CLTCL1: variants seen among roughly 807,000 people sequenced by gnomAD.
The protein encoded by CLTCL1 is clathrin heavy chain like 1.
CLTCL1 carries 159 observed loss-of-function variants against 190.0 expected under a neutral mutation model. The observed-to-expected ratio is 0.84, with a 90% CI of 0.74 to 0.95. CLTCL1 has a LOEUF of 0.95. Among genes scored for constraint, CLTCL1 ranks in the 40% least tolerant of loss-of-function variants. CLTCL1 has a pLI of 0.00. For synonymous variants in CLTCL1, 752 were observed against 769.6 expected (o/e 0.98, Z 0.38); for missense variants, 1,878 against 2,033.4 (o/e 0.92, Z 1.47).
At chr22:19,281,976 A>C (rs1249133815) in intron 1 of CLTCL1, among the ~76,000 whole-genome samples, 6 of 152,194 alleles carry the variant, frequency 3.9e-5, no homozygotes, top group African/African-American at 1.4e-4. Context: ...AGACTATTAG[A>C]ATCAGATTAA....
Position 19,258,861 on chromosome 22 carries a change from G to C in CLTCL1, c.251-4634C>G, listed in dbSNP as rs890269885. 9.3e-5 allele frequency: 48 copies of C among 516,426 alleles called. 1 individual carries two copies. Among genetic ancestry groups the C allele is most frequent in the Middle Eastern group, 5.5e-4 (1 of 1,820 alleles). 32.0% of individuals were successfully genotyped at this position (516,426 alleles called of 1,614,324 possible). On this transcript the variant is annotated intron_variant, in intron 2 of 32. Coordinates refer to ENST00000427926, the MANE Select transcript of CLTCL1 (RefSeq NM_007098.4). ...GCAGGAGGCCAGTAAAAAGTTCACA[G>C]GTTAAAAAAAACCCCAACAATTAAA...
At position 19,261,009 on chromosome 22, in the gene CLTCL1, T is replaced by C. The variant is rs1463911939; in HGVS notation, c.251-6782A>G. ...GGTCACCTAAGAGCTCTGACGGAGATATACAAGGAGATGAAAGCTGTTTTC... is the reference window on the plus strand; with the variant it reads ...GGTCACCTAAGAGCTCTGACGGAGACATACAAGGAGATGAAAGCTGTTTTC... On this transcript the variant is annotated intron_variant, in intron 2 of 32. Coordinates refer to ENST00000427926, the MANE Select transcript of CLTCL1 (RefSeq NM_007098.4). Among the ~76,000 whole-genome samples, 3 of 151,976 alleles carry C rather than the reference T, an allele frequency of 2.0e-5. 1 individual carries two copies. The highest frequency in any genetic ancestry group is 2.9e-5 in the Non-Finnish European group (2 of 67,978).
rs2086060026 is a variant in CLTCL1 at position 19,235,694 on chromosome 22, A to G, written c.969+2T>C. The G allele has an allele frequency of 4.3e-6, 7 of 1,612,240 alleles. No homozygotes were observed. The highest frequency in any genetic ancestry group is 5.1e-6 in the Non-Finnish European group (6 of 1,178,996). ...AGAAAATGAAATGTCAGAGTTACAC[A>G]CCTGTCCCTTTTTGTTGACACCAAT... is the stretch of plus-strand genomic sequence containing the variant. On this transcript the variant is annotated splice_donor_variant, in intron 6 of 32. Coordinates refer to ENST00000427926, the MANE Select transcript of CLTCL1 (RefSeq NM_007098.4). LOFTEE classifies it high-confidence loss of function.
chr22:19,183,892 G>A (rs563163438), intron 29 of CLTCL1: 8 of 475,048 alleles, frequency 1.7e-5, no homozygotes, highest in African/African-American at 1.6e-4. Flanking sequence ...GGCGTGCACA[G>A]GCTGCTCTGA....
At chr22:19,187,314 C>T (rs1449406130) in intron 29 of CLTCL1, among the ~76,000 whole-genome samples, 1 of 151,990 alleles carries the variant, frequency 6.6e-6, no homozygotes, top group Admixed American at 6.6e-5. Flanking sequence ...AGAATCAACT[C>T]CGTAAAACTC....
intron 29 of CLTCL1, among the ~76,000 whole-genome samples, chr22:19,186,551 A>C (rs1387020384): frequency 6.6e-6 from 1 of 152,004 alleles, no homozygotes; most frequent in Non-Finnish European, 1.5e-5. Flanking sequence ...AGGTGCACAC[A>C]ACCGTACCCA....
Position 19,258,981 on chromosome 22 carries a change from G to T in CLTCL1, c.251-4754C>A, listed in dbSNP as rs547984735. Among the ~76,000 whole-genome samples the T allele has an allele frequency of 1.4e-4, 22 of 152,210 alleles. No homozygotes were observed. In the South Asian group the frequency reaches 4.4e-3, roughly 30 times the overall value. On this transcript the variant is annotated intron_variant, in intron 2 of 32. Transcript: ENST00000427926. Reference sequence around the variant, plus strand: ...GATATGACAATAAAAGAAAAAAAATGAATTGGACAGCATCAGAGGTCACAA... The same window carrying T: ...GATATGACAATAAAAGAAAAAAAATTAATTGGACAGCATCAGAGGTCACAA...
rs1161492005 is a variant in CLTCL1 at position 19,233,437 on chromosome 22, C to T, written c.1353G>A (p.Trp451Ter). 2 of 1,613,422 alleles carry T rather than the reference C, an allele frequency of 1.2e-6. No homozygotes were observed. The highest frequency in any genetic ancestry group is 1.1e-5 in the South Asian group (1 of 91,054). The change falls in exon 8 of 33, where the codon TGG becomes TGA. Residue 451 changes from tryptophan to a stop codon, truncating the protein, a stop_gained. Transcript: ENST00000427926. LOFTEE classifies it high-confidence loss of function. ...GTGTTTCTACCTTATCTTCTTTCAGCCACTTCTCTAGGAGTTGCTTACGCC... is the reference window on the plus strand; with the variant it reads ...GTGTTTCTACCTTATCTTCTTTCAGTCACTTCTCTAGGAGTTGCTTACGCC... ...QQGRKQLLEK[W>*]LKEDKLECSE...
chr22:19,194,920 G>A (rs951411935), intron 26 of CLTCL1, among the ~76,000 whole-genome samples: 52 of 152,254 alleles, frequency 3.4e-4, no homozygotes, highest in African/African-American at 1.2e-3. Context: ...TCTCCCACAC[G>A]GCAGGGTGTA....
At chr22:19,269,308 G>A (rs1294968965) in intron 2 of CLTCL1, among the ~76,000 whole-genome samples, 1 of 151,940 alleles carries the variant, frequency 6.6e-6, no homozygotes. Flanking sequence ...GCTGAGGCAG[G>A]AGAATCACTT....
chr22:19,282,872 T>A (rs1209586389), intron 1 of CLTCL1, among the ~76,000 whole-genome samples: 1 of 136,938 alleles, frequency 7.3e-6, no homozygotes, highest in Non-Finnish European at 1.6e-5. Flanking sequence ...CTTTCTTTCC[T>A]TTTTTTTTTT....
intron 3 of CLTCL1, among the ~76,000 whole-genome samples, chr22:19,245,167 A>T (rs1456853862): frequency 6.9e-6 from 1 of 145,668 alleles, no homozygotes; most frequent in Non-Finnish European, 1.5e-5. Flanking sequence ...CTATGGCCCC[A>T]TGTTCCCCTC....
intron 1 of CLTCL1, 86 bp downstream of exon 1, chr22:19,291,514 G>C: frequency 1.7e-6 from 2 of 1,205,286 alleles, no homozygotes; most frequent in Non-Finnish European, 2.1e-6. Context: ...CGGCTCAGCG[G>C]GGCTGGGGGC....
At chr22:19,188,296 C>T (rs1555929569) in intron 27 of CLTCL1, among the ~76,000 whole-genome samples, 1 of 152,258 alleles carries the variant, frequency 6.6e-6, no homozygotes, top group African/African-American at 2.4e-5. Flanking sequence ...AATGTCACCA[C>T]AGACATTCAC....
chr22:19,223,178 A>G (rs1261489401), intron 14 of CLTCL1, among the ~76,000 whole-genome samples: 1 of 152,136 alleles, frequency 6.6e-6, no homozygotes, highest in East Asian at 1.9e-4. Context: ...CAGGCCATGG[A>G]AACACACCCG....
chr22:19,189,683 C>T lies in CLTCL1; in HGVS notation c.4324-1592G>A, dbSNP rs189168993. ...TGAAGTCCTGAACCCCCAAAGTTAT[C>T]CATGAGGGTTGGAATCCACTTCTTC... On this transcript the variant is annotated intron_variant, in intron 27 of 32. Coordinates refer to ENST00000427926, the MANE Select transcript of CLTCL1 (RefSeq NM_007098.4). Among the ~76,000 whole-genome samples, 12 of 152,310 alleles carry T rather than the reference C, an allele frequency of 7.9e-5. No homozygotes were observed. The East Asian group carries it at 2.1e-3, about 27-fold the overall frequency.
intron 2 of CLTCL1, among the ~76,000 whole-genome samples, chr22:19,254,814 T>A (rs183625553): frequency 6.6e-6 from 1 of 152,352 alleles, no homozygotes; most frequent in Non-Finnish European, 1.5e-5. Flanking sequence ...AATTTATACT[T>A]TTATTTAACT....
chr22:19,270,513 G>A (rs184439231), intron 2 of CLTCL1, among the ~76,000 whole-genome samples: 259 of 151,534 alleles, frequency 1.7e-3, no homozygotes, highest in Non-Finnish European at 3.3e-3. Flanking sequence ...GGATCACAAA[G>A]TCAAGAGATC....
At position 19,225,597 on chromosome 22, in the gene CLTCL1, C is replaced by G. The variant is rs2085716000; in HGVS notation, c.1984G>C (p.Asp662His). Residue 662 changes from aspartate to histidine, a missense_variant, in exon 13 of 33, where the codon GAT becomes CAT. Asp to His is a moderately conservative substitution (Grantham distance 81). Coordinates refer to ENST00000427926, the MANE Select transcript of CLTCL1 (RefSeq NM_007098.4). ...VNFFGSLSVE[D>H]SVECLHAMLS... Reference sequence around the variant, plus strand: ...ATGGCATGCAGACACTCCACAGAATCCTCCACCGATAAGGAGCCAAAGAAA... The same window carrying G: ...ATGGCATGCAGACACTCCACAGAATGCTCCACCGATAAGGAGCCAAAGAAA... 1 of 1,573,764 alleles carries G rather than the reference C, an allele frequency of 6.4e-7. No homozygotes were observed. The highest frequency in any genetic ancestry group is 1.4e-5 in the African/African-American group (1 of 73,930).
Sources: allele counts gnomAD v4.1 joint callset (sites outside exome capture counted in the v4.1 genomes callset), GRCh38; gene constraint gnomAD v4.1.1; transcripts MANE v1.5; gene names NCBI Gene and HGNC (gene_info 2026-07-23, HGNC 2026-07-21).